Variants in P2RY2 observed in about 807,000 individuals in gnomAD.
P2RY2 encodes purinergic receptor P2Y2.
For synonymous variants in P2RY2, 241 were observed against 231.9 expected, an observed-to-expected ratio of 1.04 and a Z score of -0.35; for missense variants, 567 against 515.7, an observed-to-expected ratio of 1.10 and a Z score of -0.96.
intron 2 of P2RY2, among the ~76,000 whole-genome samples, chr11:73,233,794 T>A (rs1347307375): frequency 1.3e-5 from 2 of 152,204 alleles, no homozygotes; most frequent in Non-Finnish European, 1.5e-5. Context: ...TTGAGCTAAC[T>A]TTTTTTAAAG....
In P2RY2 at chr11:73,235,304, CTT is replaced by C; in HGVS notation, c.*12_*13del. ...GACATTCGGCTGTAGGAGCAGAACA[CTT>C]CAGCCTGTGCAGGTTTATATTGGGA... On this transcript the variant is annotated 3_prime_UTR_variant, in exon 3 of 3. Coordinates refer to ENST00000393597, the MANE Select transcript of P2RY2 (RefSeq NM_002564.4). 1 of 1,533,488 alleles carries C rather than the reference CTT, an allele frequency of 6.5e-7. No individual in the cohort carries two copies. Among genetic ancestry groups the C allele is most frequent in the African/African-American group, 1.4e-5 (1 of 72,578 alleles). 95.0% of individuals were successfully genotyped at this position (1,533,488 alleles called of 1,614,324 possible). A position where few individuals can be genotyped will look rare whatever the true frequency, so the allele number is the denominator to read the frequency against.
At position 73,225,148 on chromosome 11, in the gene P2RY2, G is replaced by A. The variant is rs547822206; in HGVS notation, c.-199-2833G>A. Among the ~76,000 whole-genome samples the A allele has an allele frequency of 9.2e-5, 14 of 152,358 alleles. No individual in the cohort carries two copies. In the East Asian group the frequency reaches 2.7e-3, roughly 29 times the overall value. The stretch of plus-strand genomic sequence containing the variant: ...ACATTCTCCCCTACCAGGCTAGACA[G>A]GGTCTGCCACCAGCCAGGGAGGCAC... On this transcript the variant is annotated intron_variant, in intron 1 of 2. Transcript: ENST00000393597.
rs1458506791 is a variant in P2RY2 at position 73,234,158 on chromosome 11, C to T, written c.-2C>T. On this transcript the variant is annotated splice_region_variant and 5_prime_UTR_variant, in exon 3 of 3. Coordinates refer to ENST00000393597, the MANE Select transcript of P2RY2 (RefSeq NM_002564.4). The stretch of plus-strand genomic sequence containing the variant: ...CCCCACCCCTCCCTTCCCTGCAGGG[C>T]GATGGCAGCAGACCTGGGCCCCTGG... 2.3e-5 allele frequency: 36 copies of T among 1,599,784 alleles called. No individual in the cohort carries two copies. Among genetic ancestry groups the T allele is most frequent in the Non-Finnish European group, 3.0e-5 (35 of 1,171,692 alleles).
chr11:73,234,255 G>C lies in P2RY2; in HGVS notation c.96G>C (p.Lys32Asn). ...GYRCRFNEDFKYVLLPVSYGV... is the reference protein window; with the variant it reads ...GYRCRFNEDFNYVLLPVSYGV... ...GGTGCCGCTTCAACGAGGACTTCAA[G>C]TACGTGCTGCTGCCTGTGTCCTACG... The change falls in exon 3 of 3, where the codon AAG (lysine) becomes AAC (asparagine). Residue 32 changes from lysine (K) to asparagine (N), a missense_variant. Transcript: ENST00000393597. 1.2e-6 allele frequency: 2 copies of C among 1,614,208 alleles called. No individual in the cohort carries two copies. The highest frequency in any genetic ancestry group is 1.7e-6 in the Non-Finnish European group (2 of 1,180,036).
chr11:73,218,864 T>A (rs951307172), intron 1 of P2RY2, among the ~76,000 whole-genome samples: 2 of 151,988 alleles, frequency 1.3e-5, no homozygotes, highest in African/African-American at 4.8e-5. Flanking sequence ...CCCCTACCAC[T>A]GTCCTAACCC....
In P2RY2 at chr11:73,238,974, C is replaced by T. The variant is rs943491208; in HGVS notation, c.*3681C>T. 4.6e-5 allele frequency: 7 copies of T among 152,230 alleles called. No individual in the cohort carries two copies. The highest frequency in any genetic ancestry group is 1.7e-4 in the African/African-American group (7 of 41,448). The allele number at this position is 152,230 out of a possible 1,614,324, so 9.4% of individuals were successfully genotyped here. On this transcript the variant is annotated 3_prime_UTR_variant, in exon 3 of 3. Coordinates refer to ENST00000393597, the MANE Select transcript of P2RY2 (RefSeq NM_002564.4). Reference sequence around the variant, plus strand: ...GGCTGGGGTCTCTTGGGCAAGTTACCTAATCTTGCAGCACCTCAGTTTTCC... The same window carrying T: ...GGCTGGGGTCTCTTGGGCAAGTTACTTAATCTTGCAGCACCTCAGTTTTCC...
rs775144161 is a variant in P2RY2, at chr11:73,234,176, G to A, written c.17G>A (p.Gly6Asp). 1.9e-6 allele frequency: 3 copies of A among 1,611,242 alleles called. No individual in the cohort carries two copies. The highest frequency in any genetic ancestry group is 2.5e-6 in the Non-Finnish European group (3 of 1,178,384). Reference sequence around the variant, plus strand: ...TGCAGGGCGATGGCAGCAGACCTGGGCCCCTGGAATGACACCATCAATGGC... The same window carrying A: ...TGCAGGGCGATGGCAGCAGACCTGGACCCCTGGAATGACACCATCAATGGC... MAADL[G>D]PWNDTINGTW... Residue 6 changes from glycine to aspartate, a missense_variant, in exon 3 of 3, where the codon GGC becomes GAC. By Grantham distance (94) the Gly-to-Asp change is moderately conservative. Coordinates refer to ENST00000393597, the MANE Select transcript of P2RY2 (RefSeq NM_002564.4).
At chr11:73,220,225 G>T (rs900516163) in intron 1 of P2RY2, among the ~76,000 whole-genome samples, 2 of 152,188 alleles carry the variant, frequency 1.3e-5, no homozygotes, top group Admixed American at 1.3e-4. Flanking sequence ...AGAACAGTGT[G>T]ATCTGGGACA....
Position 73,238,136 on chromosome 11 carries a change from T to C in P2RY2, c.*2843T>C, listed in dbSNP as rs1862698182. On this transcript the variant is annotated 3_prime_UTR_variant, in exon 3 of 3. Coordinates refer to ENST00000393597, the MANE Select transcript of P2RY2 (RefSeq NM_002564.4). ...AGCAGGTCAGCGTGGCGCCTGGATG[T>C]AAGCAAGTGCCTTGGTGACGATCCT... 6.6e-6 allele frequency among the ~76,000 whole-genome samples: 1 copy of C among 152,188 alleles called. No individual in the cohort carries two copies. The highest frequency in any genetic ancestry group is 2.1e-4 in the South Asian group (1 of 4,826).
At chr11:73,232,248 C>T (rs1862481557) in intron 2 of P2RY2, among the ~76,000 whole-genome samples, 1 of 152,074 alleles carries the variant, frequency 6.6e-6, no homozygotes, top group Non-Finnish European at 1.5e-5. Context: ...TCACTACCAC[C>T]CTCCTACAGC....
chr11:73,224,454 T>C (rs1398129609), intron 1 of P2RY2, among the ~76,000 whole-genome samples: 1 of 152,222 alleles, frequency 6.6e-6, no homozygotes, highest in Admixed American at 6.5e-5. Context: ...CCTCCAATCC[T>C]GTTAGGGGCC....
intron 1 of P2RY2, among the ~76,000 whole-genome samples, chr11:73,225,202 G>A (rs1167534110): frequency 4.6e-5 from 7 of 152,240 alleles, no homozygotes; most frequent in African/African-American, 1.4e-4. Flanking sequence ...TGGAGGGGCT[G>A]GAATGTCATC....
In P2RY2 at chr11:73,240,831, G is replaced by A. The variant is rs1862759332; in HGVS notation, c.*5538G>A. ...GCAGCTCATGCTCTGACCTTGGAGT[G>A]AGCCCAGTGCAGGGGCCTGACCTTA... On this transcript the variant is annotated 3_prime_UTR_variant, in exon 3 of 3. Coordinates refer to ENST00000393597, the MANE Select transcript of P2RY2 (RefSeq NM_002564.4). 1.3e-5 allele frequency: 2 copies of A among 152,382 alleles called. No individual in the cohort carries two copies. The highest frequency in any genetic ancestry group is 4.1e-4 in the South Asian group (2 of 4,830). 9.4% of individuals were successfully genotyped at this position (152,382 alleles called of 1,614,324 possible). A position where few individuals can be genotyped will look rare whatever the true frequency, so the allele number is the denominator to read the frequency against.
At chr11:73,232,118 A>T (rs1011534828) in intron 2 of P2RY2, among the ~76,000 whole-genome samples, 1 of 152,166 alleles carries the variant, frequency 6.6e-6, no homozygotes, top group African/African-American at 2.4e-5. Context: ...GATTCTCAGG[A>T]TGAGGAGGAC....
In P2RY2 at chr11:73,234,691, G is replaced by C; in HGVS notation, c.532G>C (p.Gly178Arg). The C allele has an allele frequency of 6.2e-7, 1 of 1,603,712 alleles. No individual in the cohort carries two copies. The highest frequency in any genetic ancestry group is 2.2e-5 in the East Asian group (1 of 44,746). ...CTACTTTGTCACCACCAGCGCGCGC[G>C]GGGGCCGCGTAACCTGCCACGACAC... is the stretch of plus-strand genomic sequence containing the variant. ...VLYFVTTSAR[G>R]GRVTCHDTSA... The change falls in exon 3 of 3, where the codon GGG (glycine) becomes CGG (arginine). Residue 178 changes from glycine to arginine, a missense_variant. Coordinates refer to ENST00000393597, the MANE Select transcript of P2RY2 (RefSeq NM_002564.4).
intron 2 of P2RY2, among the ~76,000 whole-genome samples, chr11:73,230,722 G>A (rs1265683163): frequency 1.3e-5 from 2 of 152,118 alleles, no homozygotes; most frequent in Non-Finnish European, 2.9e-5. Context: ...AGGCTGGGAG[G>A]GGAGAGTCTT....
chr11:73,218,605 C>A (rs1192893605), intron 1 of P2RY2, 173 bp downstream of exon 1: 2 of 152,102 alleles, frequency 1.3e-5, no homozygotes, highest in African/African-American at 2.4e-5. Context: ...ACGGCTTGAA[C>A]GCGCCTGTGG....
chr11:73,235,793 C>T lies in P2RY2; in HGVS notation c.*500C>T, dbSNP rs984662067. The T allele has an allele frequency of 6.1e-5, 61 of 1,000,988 alleles. 2 individuals carry two copies. In the Admixed American group the frequency reaches 2.5e-3, roughly 40 times the overall value. 62.0% of individuals were successfully genotyped at this position (1,000,988 alleles called of 1,614,324 possible). A position where few individuals can be genotyped will look rare whatever the true frequency, so the allele number is the denominator to read the frequency against. On this transcript the variant is annotated 3_prime_UTR_variant, in exon 3 of 3. Coordinates refer to ENST00000393597, the MANE Select transcript of P2RY2 (RefSeq NM_002564.4). ...GTGGTCTGGAATGGACTGGGTGCCA[C>T]GGTGGACTTAGCTCTGAGGAGTACC...
Position 73,237,806 on chromosome 11 carries a change from G to T in P2RY2, c.*2513G>T, listed in dbSNP as rs1862690295. On this transcript the variant is annotated 3_prime_UTR_variant, in exon 3 of 3. Transcript: ENST00000393597. ...CACTTGCCTTGTGGGTGAAGTTCCT[G>T]CCCTGATGCCTCATGCTATTTTCAG... Among the ~76,000 whole-genome samples, 1 of 152,154 alleles carries T rather than the reference G, an allele frequency of 6.6e-6. No individual in the cohort carries two copies. The highest frequency in any genetic ancestry group is 2.1e-4 in the South Asian group (1 of 4,830).
Sources: allele counts gnomAD v4.1 joint callset (sites outside exome capture counted in the v4.1 genomes callset), GRCh38; gene constraint gnomAD v4.1.1; transcripts MANE v1.5; gene names NCBI Gene and HGNC (gene_info 2026-07-23, HGNC 2026-07-21).